FBLIM1: variants seen among roughly 807,000 people sequenced by gnomAD.
FBLIM1 encodes the protein filamin binding LIM protein 1.
A neutral mutation model predicts 37.4 loss-of-function variants in FBLIM1; 29 were observed. The observed-to-expected ratio is 0.77, with a 90% CI of 0.58 to 1.06. The LOEUF is 1.06. FBLIM1 is among the 50% of genes least tolerant of loss of function. FBLIM1 has a pLI of 0.00. For synonymous variants in FBLIM1, 193 were observed against 199.0 expected, an observed-to-expected ratio of 0.97 and a Z score of 0.25; for missense variants, 449 against 505.6, an observed-to-expected ratio of 0.89 and a Z score of 1.07.
intron 5 of FBLIM1, 135 bp from the exon 6 acceptor site, chr1:15,770,274 C>CCCT: frequency 1.1e-6 from 1 of 890,760 alleles, no homozygotes; most frequent in Non-Finnish European, 1.7e-6. Context: ...CTCCTCATGA[C>CCCT]CCTCTGTATT....
intron 7 of FBLIM1, chr1:15,775,030 A>G (rs2069428031): frequency 1.3e-6 from 1 of 789,858 alleles, no homozygotes; most frequent in Non-Finnish European, 2.0e-6. Context: ...CATCCTGGCT[A>G]ACATGGTGAA....
chr1:15,772,205 G>C (rs1320310768), intron 6 of FBLIM1, among the ~76,000 whole-genome samples: 1 of 152,122 alleles, frequency 6.6e-6, no homozygotes, highest in Non-Finnish European at 1.5e-5. Context: ...TGATTTGAAG[G>C]GTTAGAGTAT....
chr1:15,782,575 T>A (rs889127158), intron 8 of FBLIM1, among the ~76,000 whole-genome samples: 1 of 151,890 alleles, frequency 6.6e-6, no homozygotes, highest in Admixed American at 6.6e-5. Flanking sequence ...TGGTTCTAAT[T>A]TAGGAGGGGT....
chr1:15,776,637 G>T (rs1461524277), intron 7 of FBLIM1, among the ~76,000 whole-genome samples: 1 of 152,228 alleles, frequency 6.6e-6, no homozygotes, highest in African/African-American at 2.4e-5. Context: ...GGCCAAGGTG[G>T]GCGGATCACG....
intron 5 of FBLIM1, among the ~76,000 whole-genome samples, chr1:15,768,947 C>T (rs1040075905): frequency 6.6e-6 from 1 of 152,278 alleles, no homozygotes; most frequent in Non-Finnish European, 1.5e-5. Context: ...AGTGGGGACA[C>T]AGTGAGAAGC....
intron 6 of FBLIM1, among the ~76,000 whole-genome samples, chr1:15,772,379 A>G (rs899970375): frequency 6.6e-6 from 1 of 151,852 alleles, no homozygotes; most frequent in African/African-American, 2.4e-5. Context: ...CCAGGGGAGG[A>G]GGGGTGTCCA....
At chr1:15,771,586 C>T (rs964376292) in intron 6 of FBLIM1, among the ~76,000 whole-genome samples, 1 of 152,026 alleles carries the variant, frequency 6.6e-6, no homozygotes, top group African/African-American at 2.4e-5. Context: ...TTGACTCCTT[C>T]CTCTGCTTCA....
intron 7 of FBLIM1, 193 bp downstream of exon 7, chr1:15,774,989 C>A (rs563121372): frequency 1.7e-5 from 20 of 1,197,444 alleles, no homozygotes; most frequent in African/African-American, 3.1e-5. Context: ...GAGGCCGAGG[C>A]GGGTGGATCA....
chr1:15,764,432 C>T, intron 1 of FBLIM1, 64 bp from the exon 2 acceptor site: 1 of 155,534 alleles, frequency 6.4e-6, no homozygotes. Flanking sequence ...GCCCACTCTG[C>T]CGCCGGAGCC....
At chr1:15,780,203 AT>A (rs894300375) in intron 8 of FBLIM1, among the ~76,000 whole-genome samples, 18 of 148,946 alleles carry the variant, frequency 1.2e-4, no homozygotes, top group African/African-American at 3.4e-4. Flanking sequence ...AAATTCTTAA[AT>A]TTTTTTTTTG....
intron 8 of FBLIM1, among the ~76,000 whole-genome samples, chr1:15,777,930 G>C (rs779628645): frequency 1.3e-5 from 2 of 152,112 alleles, no homozygotes; most frequent in Non-Finnish European, 2.9e-5. Context: ...CTCTGCCTGT[G>C]GGCTGGCCTT....
At chr1:15,779,650 A>G (rs1234578019) in intron 8 of FBLIM1, among the ~76,000 whole-genome samples, 1 of 152,012 alleles carries the variant, frequency 6.6e-6, no homozygotes, top group Non-Finnish European at 1.5e-5. Flanking sequence ...GGCTGGGGTT[A>G]TGGTTAATGA....
At chr1:15,772,914 A>G (rs2069289227) in intron 6 of FBLIM1, among the ~76,000 whole-genome samples, 1 of 152,076 alleles carries the variant, frequency 6.6e-6, no homozygotes, top group Non-Finnish European at 1.5e-5. Context: ...CCTCTCAAGT[A>G]GCTGGGATTA....
chr1:15,762,747 C>T (rs983059912), intron 1 of FBLIM1, among the ~76,000 whole-genome samples: 1 of 152,212 alleles, frequency 6.6e-6, no homozygotes, highest in East Asian at 1.9e-4. Context: ...AATGCAGACA[C>T]CGGTCAGACG....
Position 15,777,349 on chromosome 1 carries a change from T to C in FBLIM1, c.1008+62T>C. The C allele has an allele frequency of 2.3e-6, 3 of 1,309,180 alleles. No homozygotes were observed. In the South Asian group the frequency reaches 3.8e-5, roughly 16 times the overall value. The allele number at this position is 1,309,180 out of a possible 1,614,324, so 81.1% of individuals were successfully genotyped here. On this transcript the variant is annotated intron_variant, in intron 8 of 8. Transcript: ENST00000375766. ...GCTGCGTGCCAGGCCCTTAGCTGGG[T>C]TGCTTGGACATGGGGACAGGTCAGG... is the stretch of plus-strand genomic sequence containing the variant.
At chr1:15,770,639 C>CACCAT in intron 6 of FBLIM1, 61 bp downstream of exon 6, 2 of 1,566,402 alleles carry the variant, frequency 1.3e-6, no homozygotes, top group Non-Finnish European at 1.7e-6. Context: ...GAATATGTTG[C>CACCAT]ACCATTTCAT....
At chr1:15,770,301 T>C in intron 5 of FBLIM1, 108 bp from the exon 6 acceptor site, 1 of 1,186,300 alleles carries the variant, frequency 8.4e-7, no homozygotes, top group African/African-American at 1.5e-5. Context: ...TTGAGGAATT[T>C]GCAGGGTTTA....
chr1:15,775,697 C>A (rs1434196056), intron 7 of FBLIM1, among the ~76,000 whole-genome samples: 1 of 152,080 alleles, frequency 6.6e-6, no homozygotes, highest in East Asian at 1.9e-4. Context: ...TGAAAGCTCC[C>A]GAACCCTGTC....
intron 8 of FBLIM1, among the ~76,000 whole-genome samples, chr1:15,779,070 G>A (rs2069569858): frequency 6.6e-6 from 1 of 151,806 alleles, no homozygotes; most frequent in Non-Finnish European, 1.5e-5. Context: ...TGAGTAGCTG[G>A]GATTACAGGT....
Sources: gnomAD v4.1 joint callset for allele counts (sites outside exome capture counted in the v4.1 genomes callset) on GRCh38, gnomAD v4.1.1 for gene constraint, MANE v1.5 for transcripts, NCBI Gene and HGNC (gene_info 2026-07-23, HGNC 2026-07-21) for gene names.